The following SIPA1L2 variants were observed in gnomAD, a reference collection of about 807,000 sequenced individuals.
SIPA1L2 encodes signal-induced proliferation-associated 1-like protein 2.
SIPA1L2 carries 56 observed loss-of-function variants against 163.9 expected under a neutral mutation model. That is an observed-to-expected ratio of 0.34 (90% CI 0.28 to 0.43). SIPA1L2 has a LOEUF of 0.43. Ranked by LOEUF, SIPA1L2 falls within the 20% of genes least tolerant of loss-of-function variation. The pLI, the probability that SIPA1L2 is intolerant of heterozygous loss-of-function variation, is 1.00. For synonymous variants in SIPA1L2, 877 were observed against 865.7 expected, an observed-to-expected ratio of 1.01 and a Z score of -0.23; for missense variants, 1,974 against 2,193.5, an observed-to-expected ratio of 0.90 and a Z score of 2.00.
intron 2 of SIPA1L2, among the ~76,000 whole-genome samples, chr1:232,525,465 A>C (rs1667660467): frequency 6.8e-6 from 1 of 147,112 alleles, no homozygotes. Flanking sequence ...CATGTTGTTC[A>C]GACTGGTCTG....
chr1:232,403,658 A>G, intron 20 of SIPA1L2, 87 bp from the exon 21 acceptor site: 1 of 1,482,002 alleles, frequency 6.7e-7, no homozygotes, highest in Non-Finnish European at 9.0e-7. Flanking sequence ...TAGCTAAATA[A>G]AATCTTTTCC....
At chr1:232,614,614 C>T (rs191495570) in intron 1 of SIPA1L2, among the ~76,000 whole-genome samples, 134 of 152,306 alleles carry the variant, frequency 8.8e-4, no homozygotes, top group Non-Finnish European at 1.5e-3. Context: ...GGGAGGTTCC[C>T]GGAATCCTTC....
At chr1:232,468,784 A>C (rs1240666043) in intron 8 of SIPA1L2, among the ~76,000 whole-genome samples, 2 of 152,202 alleles carry the variant, frequency 1.3e-5, no homozygotes, top group Non-Finnish European at 2.9e-5. Flanking sequence ...GTTACTGAGC[A>C]TTTTGCAGAG....
At chr1:232,625,066 G>A (rs895060126) in intron 1 of SIPA1L2, among the ~76,000 whole-genome samples, 6 of 152,144 alleles carry the variant, frequency 3.9e-5, no homozygotes, top group African/African-American at 1.4e-4. Flanking sequence ...GGGACACACT[G>A]AAAATGAACT....
intron 2 of SIPA1L2, among the ~76,000 whole-genome samples, chr1:232,553,592 G>A (rs1472717740): frequency 6.6e-6 from 1 of 152,154 alleles, no homozygotes; most frequent in Admixed American, 6.5e-5. Flanking sequence ...AAGTGGCCAG[G>A]CTGCCAGGAG....
intron 16 of SIPA1L2, among the ~76,000 whole-genome samples, chr1:232,430,293 C>A (rs987885706): frequency 9.9e-5 from 15 of 152,220 alleles, no homozygotes; most frequent in African/African-American, 3.6e-4. Context: ...CAGAAACTCA[C>A]AAAGGACATT....
chr1:232,552,242 T>C (rs935567443), intron 2 of SIPA1L2, among the ~76,000 whole-genome samples: 2 of 152,144 alleles, frequency 1.3e-5, no homozygotes, highest in African/African-American at 4.8e-5. Context: ...CACCTTTTAT[T>C]AATACTGATA....
chr1:232,605,546 T>C lies in SIPA1L2; in HGVS notation c.-319+24323A>G, dbSNP rs147942566. ...TCTGTCTCTACTAAAAATACAAAAT[T>C]AGCCGGGCATGGTGGCGGGTGCCTG... On this transcript the variant is annotated intron_variant, in intron 1 of 22. Coordinates refer to ENST00000674635, the MANE Select transcript of SIPA1L2 (RefSeq NM_020808.5). Among the ~76,000 whole-genome samples, 1,422 of 152,172 alleles carry C rather than the reference T, an allele frequency of 9.3e-3. 14 individuals are homozygous for C. Among genetic ancestry groups the C allele is most frequent in the Non-Finnish European group, 0.014 (952 of 68,004 alleles).
chr1:232,480,251 A>G (rs904327023), intron 6 of SIPA1L2, among the ~76,000 whole-genome samples: 1 of 152,066 alleles, frequency 6.6e-6, no homozygotes, highest in Non-Finnish European at 1.5e-5. Flanking sequence ...CAGAAAAATG[A>G]AATAGGATTG....
intron 1 of SIPA1L2, among the ~76,000 whole-genome samples, chr1:232,581,450 G>A (rs1219359342): frequency 6.6e-6 from 1 of 152,130 alleles, no homozygotes; most frequent in African/African-American, 2.4e-5. Context: ...GCAGAGCAAG[G>A]ACAGAGAGAG....
At chr1:232,501,050 A>ATTTTTTTTTGTTT (rs1666447529) in intron 3 of SIPA1L2, among the ~76,000 whole-genome samples, 1 of 78,450 alleles carries the variant, frequency 1.3e-5, no homozygotes, top group African/African-American at 4.8e-5. Context: ...GCAATGAAGT[A>ATTTTTTTTTGTTT]TTTTTTTTTT....
chr1:232,511,221 G>C (rs1318501811), intron 3 of SIPA1L2, among the ~76,000 whole-genome samples: 1 of 152,168 alleles, frequency 6.6e-6, no homozygotes, highest in African/African-American at 2.4e-5. Flanking sequence ...GATTCCACTG[G>C]CTGGAAGGAA....
intron 1 of SIPA1L2, among the ~76,000 whole-genome samples, chr1:232,598,871 G>A (rs1212214240): frequency 6.7e-6 from 1 of 150,300 alleles, no homozygotes; most frequent in Non-Finnish European, 1.5e-5. Context: ...AGACTGGTGA[G>A]CAGACTAAGA....
In SIPA1L2 at chr1:232,580,359, A is replaced by T. The variant is rs75354210; in HGVS notation, c.-318-6137T>A. Among the ~76,000 whole-genome samples, 288 of 152,248 alleles carry T rather than the reference A, an allele frequency of 1.9e-3. 4 individuals carry two copies. In the East Asian group the frequency reaches 0.046, roughly 24 times the overall value. On this transcript the variant is annotated intron_variant, in intron 1 of 22. Transcript: ENST00000674635. ...CAGCTTCTTTACCTCAACCTGTTTT[A>T]TCAGCACGGTCTTTGTGACCTATAT...
intron 2 of SIPA1L2, among the ~76,000 whole-genome samples, chr1:232,542,458 C>CTCTAG (rs1175324309): frequency 6.6e-6 from 1 of 152,190 alleles, no homozygotes; most frequent in African/African-American, 2.4e-5. Flanking sequence ...AATGCATCTA[C>CTCTAG]TCTAGTCTTA....
intron 4 of SIPA1L2, among the ~76,000 whole-genome samples, chr1:232,491,850 C>G (rs1665947936): frequency 6.6e-6 from 1 of 152,142 alleles, no homozygotes; most frequent in African/African-American, 2.4e-5. Context: ...CACTGGACAA[C>G]AGAACTATCT....
chr1:232,474,046 G>A (rs1477251454), intron 7 of SIPA1L2, among the ~76,000 whole-genome samples: 1 of 152,000 alleles, frequency 6.6e-6, no homozygotes, highest in Non-Finnish European at 1.5e-5. Flanking sequence ...TTTCTAACTG[G>A]TCAATGAAAT....
At chr1:232,624,824 C>T (rs1358568337) in intron 1 of SIPA1L2, among the ~76,000 whole-genome samples, 4 of 152,104 alleles carry the variant, frequency 2.6e-5, no homozygotes, top group Non-Finnish European at 5.9e-5. Context: ...AAAACAAAAC[C>T]GGAAGAGACT....
Position 232,600,233 on chromosome 1 carries a change from C to CA in SIPA1L2, c.-318-26012dup, listed in dbSNP as rs961077045. Among the ~76,000 whole-genome samples the CA allele has an allele frequency of 1.2e-3, 181 of 145,030 alleles. 3 individuals are homozygous for CA. The Middle Eastern group carries it at 0.021, about 17-fold the overall frequency. ...GGGGCAGTGTTGGTGACACAGTTAACAAAAAAAAAAATTCTTTTTCATTTC... is the reference window on the plus strand; with the variant it reads ...GGGGCAGTGTTGGTGACACAGTTAACAAAAAAAAAAAATTCTTTTTCATTTC... On this transcript the variant is annotated intron_variant, in intron 1 of 22. Transcript: ENST00000674635.
Sources: allele counts gnomAD v4.1 joint callset (sites outside exome capture counted in the v4.1 genomes callset), GRCh38; gene constraint gnomAD v4.1.1; transcripts MANE v1.5; gene names NCBI Gene and HGNC (gene_info 2026-07-23, HGNC 2026-07-21).